The following CDKAL1 variants were observed in gnomAD, a reference collection of about 807,000 sequenced individuals.
CDKAL1 encodes the protein threonylcarbamoyladenosine tRNA methylthiotransferase.
CDKAL1 carries 32 observed loss-of-function variants against 68.2 expected under a neutral mutation model. That is an observed-to-expected ratio of 0.47 (90% CI 0.35 to 0.63). The LOEUF (loss-of-function observed/expected upper bound fraction) is 0.63, where lower values mean the gene tolerates loss of function less well. Ranked by LOEUF, CDKAL1 falls within the 30% of genes least tolerant of loss-of-function variation. The probability of loss-of-function intolerance (pLI) is 0.00; values close to 1 mark genes in which losing one functional copy is unlikely to be tolerated. For synonymous variants in CDKAL1, 234 were observed against 244.3 expected, an observed-to-expected ratio of 0.96 and a Z score of 0.39; for missense variants, 606 against 696.7, an observed-to-expected ratio of 0.87 and a Z score of 1.47.
chr6:21,224,101 T>C (rs1330467714), intron 15 of CDKAL1, among the ~76,000 whole-genome samples: 1 of 152,140 alleles, frequency 6.6e-6, no homozygotes, highest in African/African-American at 2.4e-5. Flanking sequence ...CTCACATATG[T>C]CAGGAGTGGC....
chr6:20,902,847 A>G (rs1474408405), intron 9 of CDKAL1, among the ~76,000 whole-genome samples: 2 of 152,146 alleles, frequency 1.3e-5, no homozygotes, highest in African/African-American at 2.4e-5. Flanking sequence ...TAAATGGGTG[A>G]TGGTTGAAGA....
At chr6:21,046,250 T>C (rs1770222606) in intron 11 of CDKAL1, among the ~76,000 whole-genome samples, 1 of 152,220 alleles carries the variant, frequency 6.6e-6, no homozygotes, top group South Asian at 2.1e-4. Flanking sequence ...TTTCCTTCCC[T>C]CCGTGACTTT....
rs140101518 is a variant in CDKAL1, at chr6:20,797,760, CTTTATTTTATTTTATTTTATTTTAT to C, written c.638+16539_638+16563del. ...AAAAGGCTGTATGTATGATTGATTG[CTTTATTTTATTTTATTTTATTTTAT>C]TTTATTTTATTTTATTTTATTTTAT... On this transcript the variant is annotated intron_variant, in intron 8 of 15. Transcript: ENST00000274695. Among the ~76,000 whole-genome samples, 146 of 119,436 alleles carry C rather than the reference CTTTATTTTATTTTATTTTATTTTAT, an allele frequency of 1.2e-3. 1 individual carries two copies. The highest frequency in any genetic ancestry group is 2.2e-3 in the African/African-American group (65 of 29,664). The allele number at this position is 119,436 out of a possible 152,430, so 78.4% of individuals were successfully genotyped here. A position where few individuals can be genotyped will look rare whatever the true frequency, so the allele number is the denominator to read the frequency against.
intron 11 of CDKAL1, among the ~76,000 whole-genome samples, chr6:21,055,267 T>C (rs1384747789): frequency 6.6e-6 from 1 of 152,220 alleles, no homozygotes; most frequent in Non-Finnish European, 1.5e-5. Flanking sequence ...TTTGCCAATA[T>C]TTTGTTAAGA....
intron 8 of CDKAL1, among the ~76,000 whole-genome samples, chr6:20,840,052 A>G (rs138127065): frequency 8.7e-4 from 132 of 152,322 alleles, no homozygotes; most frequent in African/African-American, 3.1e-3. Flanking sequence ...ACAGAGTACA[A>G]TTGGTGATAA....
At chr6:20,568,505 CG>C (rs1302558212) in intron 4 of CDKAL1, among the ~76,000 whole-genome samples, 1 of 151,694 alleles carries the variant, frequency 6.6e-6, no homozygotes, top group Non-Finnish European at 1.5e-5. Context: ...GAGGCCGAGG[CG>C]GGCGGATCAG....
chr6:20,821,121 G>A (rs1357251240), intron 8 of CDKAL1, among the ~76,000 whole-genome samples: 1 of 152,058 alleles, frequency 6.6e-6, no homozygotes, highest in Non-Finnish European at 1.5e-5. Flanking sequence ...AGGGAGAGCG[G>A]TAGGAAATGA....
At chr6:21,214,776 A>G (rs189664021) in intron 15 of CDKAL1, among the ~76,000 whole-genome samples, 1 of 152,270 alleles carries the variant, frequency 6.6e-6, no homozygotes, top group Non-Finnish European at 1.5e-5. Flanking sequence ...CCAAAATTGA[A>G]GCCCCATGAA....
At chr6:20,961,710 T>C (rs1765066297) in intron 10 of CDKAL1, among the ~76,000 whole-genome samples, 2 of 148,742 alleles carry the variant, frequency 1.3e-5, no homozygotes, top group Non-Finnish European at 3.0e-5. Context: ...GAGCTTGCAG[T>C]GAGCTGAGAT....
chr6:20,554,762 A>G (rs1054108327), intron 4 of CDKAL1, among the ~76,000 whole-genome samples: 2 of 152,192 alleles, frequency 1.3e-5, no homozygotes, highest in Non-Finnish European at 2.9e-5. Flanking sequence ...AACAGCCCTC[A>G]TTTAGATACA....
chr6:21,173,854 G>A (rs558330299), intron 13 of CDKAL1, among the ~76,000 whole-genome samples: 67 of 152,292 alleles, frequency 4.4e-4, no homozygotes, highest in Middle Eastern at 3.4e-3. Flanking sequence ...AGTAATCCTT[G>A]AGGACAGGAG....
chr6:20,540,474 G>A (rs1156521121), intron 2 of CDKAL1, among the ~76,000 whole-genome samples: 2 of 150,628 alleles, frequency 1.3e-5, no homozygotes, highest in East Asian at 3.9e-4. Context: ...TTTTTTTTGG[G>A]ATGGTGCTTC....
Position 20,955,734 on chromosome 6 carries a change from T to C in CDKAL1, c.909+149T>C. ...GCATTTCCAAGAATGAATCAAGACT[T>C]TCAAATCCCCTTCTTTGGCAGGCAA... On this transcript the variant is annotated intron_variant, in intron 10 of 15. Transcript: ENST00000274695. The C allele has an allele frequency of 4.8e-6, 3 of 629,532 alleles. 1 individual carries two copies. In the South Asian group the frequency reaches 8.6e-5, roughly 18 times the overall value. The allele number at this position is 629,532 out of a possible 1,614,324, so 39.0% of individuals were successfully genotyped here. A position where few individuals can be genotyped will look rare whatever the true frequency, so the allele number is the denominator to read the frequency against.
intron 10 of CDKAL1, among the ~76,000 whole-genome samples, chr6:20,982,699 A>G (rs918233988): frequency 1.3e-5 from 2 of 152,140 alleles, no homozygotes; most frequent in East Asian, 3.9e-4. Context: ...TTCTGTTAAC[A>G]TTGGGCAAAA....
intron 4 of CDKAL1, among the ~76,000 whole-genome samples, chr6:20,595,179 G>A (rs557700998): frequency 6.6e-5 from 10 of 152,204 alleles, no homozygotes; most frequent in Non-Finnish European, 1.2e-4. Flanking sequence ...GAGTATCTTT[G>A]TGGTGTTCTC....
chr6:21,169,672 A>G (rs755117902), intron 13 of CDKAL1, among the ~76,000 whole-genome samples: 7 of 152,106 alleles, frequency 4.6e-5, no homozygotes, highest in Non-Finnish European at 8.8e-5. Context: ...TGAATGTGGT[A>G]TATTAGTCTG....
chr6:20,881,442 G>A (rs1331613435), intron 9 of CDKAL1, among the ~76,000 whole-genome samples: 2 of 152,132 alleles, frequency 1.3e-5, no homozygotes, highest in Non-Finnish European at 2.9e-5. Flanking sequence ...CTGTATGCTT[G>A]TTATTGAGAA....
At chr6:20,870,699 C>G (rs1458959735) in intron 9 of CDKAL1, among the ~76,000 whole-genome samples, 1 of 152,198 alleles carries the variant, frequency 6.6e-6, no homozygotes. Context: ...ACTGTTGAAT[C>G]CTGGCTTGGC....
At chr6:20,992,866 C>T (rs1766908903) in intron 10 of CDKAL1, among the ~76,000 whole-genome samples, 1 of 149,242 alleles carries the variant, frequency 6.7e-6, no homozygotes, top group African/African-American at 2.5e-5. Flanking sequence ...TGCACTTTTG[C>T]ACTCCAGCCT....
Sources: allele counts gnomAD v4.1 joint callset (sites outside exome capture counted in the v4.1 genomes callset), GRCh38; gene constraint gnomAD v4.1.1; transcripts MANE v1.5; gene names NCBI Gene and HGNC (gene_info 2026-07-23, HGNC 2026-07-21).